The following NRXN1 variants were observed in gnomAD, a reference collection of about 807,000 sequenced individuals.
The protein encoded by NRXN1 is neurexin 1.
Under a neutral mutation model 150.9 loss-of-function variants are expected in NRXN1, and 39 were observed. The ratio of observed to expected loss-of-function variants is 0.26; its 90% CI spans 0.20 to 0.34. The LOEUF (loss-of-function observed/expected upper bound fraction) is 0.34. Among genes scored for constraint, NRXN1 ranks in the 10% least tolerant of loss-of-function variants. The pLI, the probability that NRXN1 is intolerant of heterozygous loss-of-function variation, is 1.00. For synonymous variants in NRXN1, 924 were observed against 757.0 expected (o/e 1.22, Z -3.62); for missense variants, 1,815 against 1,949.9 (o/e 0.93, Z 1.30).
intron 21 of NRXN1, among the ~76,000 whole-genome samples, chr2:49,946,102 T>C (rs1199769792): frequency 6.6e-6 from 1 of 152,214 alleles, no homozygotes; most frequent in Non-Finnish European, 1.5e-5. Flanking sequence ...TGGTATCTCA[T>C]TGTGGTTTTG....
chr2:49,988,619 T>TAAAAAAAAA (rs3046623), intron 21 of NRXN1, among the ~76,000 whole-genome samples: 1 of 128,000 alleles, frequency 7.8e-6, no homozygotes, highest in Admixed American at 8.1e-5. Context: ...AGTTAACTAT[T>TAAAAAAAAA]AAAAAAAAAA....
chr2:50,277,391 T>TCCTTCCTTCCTTCCTTCCTTCCTCCCTC (rs746132392), intron 17 of NRXN1, among the ~76,000 whole-genome samples: 30 of 78,424 alleles, frequency 3.8e-4, no homozygotes, highest in Non-Finnish European at 2.3e-4. Context: ...CGTCCTTCCT[T>TCCTTCCTTCCTTCCTTCCTTCCTCCCTC]CCTTCCTTCC....
chr2:50,479,110 T>C (rs1359193830), intron 15 of NRXN1, among the ~76,000 whole-genome samples: 2 of 152,230 alleles, frequency 1.3e-5, no homozygotes, highest in Non-Finnish European at 2.9e-5. Flanking sequence ...GATTTTGAAT[T>C]ACTTCTCTTC....
chr2:50,328,193 A>G (rs903159943), intron 17 of NRXN1, among the ~76,000 whole-genome samples: 2 of 151,930 alleles, frequency 1.3e-5, no homozygotes, highest in Non-Finnish European at 2.9e-5. Flanking sequence ...TCCTTAAAAC[A>G]TGAGATATTT....
At chr2:50,622,285 G>A (rs1680164044) in intron 6 of NRXN1, among the ~76,000 whole-genome samples, 1 of 152,114 alleles carries the variant, frequency 6.6e-6, no homozygotes, top group Non-Finnish European at 1.5e-5. Context: ...AGCTCAGATA[G>A]TATAAACCTT....
chr2:50,302,055 A>T (rs573910352), intron 17 of NRXN1, among the ~76,000 whole-genome samples: 23 of 152,312 alleles, frequency 1.5e-4, no homozygotes, highest in African/African-American at 4.6e-4. Flanking sequence ...ATATTTTTTT[A>T]AAAAATTTCT....
intron 17 of NRXN1, among the ~76,000 whole-genome samples, chr2:50,408,831 A>G (rs1572862228): frequency 2.0e-5 from 2 of 99,864 alleles, no homozygotes; most frequent in East Asian, 3.6e-4. Flanking sequence ...GGGTGAATCA[A>G]TCTCAATCTC....
At chr2:50,392,044 C>T (rs1470124493) in intron 17 of NRXN1, among the ~76,000 whole-genome samples, 1 of 152,072 alleles carries the variant, frequency 6.6e-6, no homozygotes, top group Admixed American at 6.6e-5. Flanking sequence ...ATCAAAGTTG[C>T]CATCTATGAT....
intron 17 of NRXN1, among the ~76,000 whole-genome samples, chr2:50,344,676 C>G (rs1190929514): frequency 6.6e-6 from 1 of 152,188 alleles, no homozygotes; most frequent in Non-Finnish European, 1.5e-5. Context: ...GGCCAGCAGA[C>G]GGCGCCTGAC....
At chr2:50,505,806 C>T (rs906518088) in intron 13 of NRXN1, among the ~76,000 whole-genome samples, 3 of 152,134 alleles carry the variant, frequency 2.0e-5, no homozygotes, top group African/African-American at 7.2e-5. Context: ...GAATAATTAA[C>T]ATGGCTATCT....
intron 18 of NRXN1, among the ~76,000 whole-genome samples, chr2:50,171,207 C>G (rs539566412): frequency 2.7e-5 from 4 of 149,866 alleles, no homozygotes; most frequent in Admixed American, 6.7e-5. Flanking sequence ...TGGACCTGTA[C>G]AGTTCAATCC....
At chr2:49,959,778 C>T (rs1008886321) in intron 21 of NRXN1, among the ~76,000 whole-genome samples, 2 of 152,132 alleles carry the variant, frequency 1.3e-5, no homozygotes, top group Non-Finnish European at 2.9e-5. Context: ...TTATCACCTT[C>T]ATTATTATTT....
chr2:50,817,584 G>A (rs919631297), intron 5 of NRXN1, among the ~76,000 whole-genome samples: 1 of 151,984 alleles, frequency 6.6e-6, no homozygotes, highest in Non-Finnish European at 1.5e-5. Context: ...TATCCCTAGT[G>A]AACACAGATG....
intron 5 of NRXN1, among the ~76,000 whole-genome samples, chr2:50,855,752 T>C (rs1339463320): frequency 9.9e-5 from 15 of 152,050 alleles, no homozygotes; most frequent in African/African-American, 3.6e-4. Context: ...AGGACAAACA[T>C]TCATTGAATA....
intron 18 of NRXN1, among the ~76,000 whole-genome samples, chr2:50,098,963 C>T (rs908666981): frequency 5.5e-5 from 8 of 144,650 alleles, no homozygotes; most frequent in Non-Finnish European, 9.0e-5. Flanking sequence ...TCAGAAACAT[C>T]TCATTTAGGA....
At chr2:50,998,562 C>T (rs561294832) in intron 2 of NRXN1, among the ~76,000 whole-genome samples, 2 of 152,074 alleles carry the variant, frequency 1.3e-5, no homozygotes, top group African/African-American at 2.4e-5. Flanking sequence ...TGGGTGGACA[C>T]AACATACAGA....
intron 17 of NRXN1, among the ~76,000 whole-genome samples, chr2:50,352,434 G>C (rs1003824860): frequency 7.9e-5 from 12 of 151,970 alleles, no homozygotes; most frequent in Admixed American, 5.9e-4. Context: ...TTTTTAAATA[G>C]AAAAGTAGAC....
At chr2:50,103,458 G>A (rs1701239335) in intron 18 of NRXN1, among the ~76,000 whole-genome samples, 1 of 152,034 alleles carries the variant, frequency 6.6e-6, no homozygotes, top group Non-Finnish European at 1.5e-5. Flanking sequence ...ACTCAGAAGA[G>A]CAGATGAACA....
chr2:50,549,817 TAAG>T (rs1395004485), intron 9 of NRXN1, among the ~76,000 whole-genome samples: 3 of 152,182 alleles, frequency 2.0e-5, no homozygotes, highest in African/African-American at 7.2e-5. Flanking sequence ...CTCCTTATAA[TAAG>T]AAACCTCATA....
Sources: gnomAD v4.1 joint callset for allele counts (sites outside exome capture counted in the v4.1 genomes callset) on GRCh38, gnomAD v4.1.1 for gene constraint, MANE v1.5 for transcripts, NCBI Gene and HGNC (gene_info 2026-07-23, HGNC 2026-07-21) for gene names.